OTUD7A: variants seen among roughly 807,000 people sequenced by gnomAD.
OTUD7A encodes OTU deubiquitinase 7A.
A neutral mutation model predicts 65.7 loss-of-function variants in OTUD7A; 12 were observed. The ratio of observed to expected loss-of-function variants is 0.18; its 90% CI spans 0.12 to 0.30. The LOEUF is 0.30. Among genes scored for constraint, OTUD7A ranks in the 10% least tolerant of loss-of-function variants. OTUD7A has a pLI of 1.00. For synonymous variants in OTUD7A, 641 were observed against 586.3 expected (o/e 1.09, Z -1.35); for missense variants, 1,148 against 1,304.8 (o/e 0.88, Z 1.85).
rs372402315 is a variant in OTUD7A, at chr15:31,566,910, C to T, written c.331+3108G>A. Reference sequence around the variant, plus strand: ...AAGCTGAGCAGATGCCGGCACCATGCTTCCTATAAAGCCTGCAGAACCATG... The same window carrying T: ...AAGCTGAGCAGATGCCGGCACCATGTTTCCTATAAAGCCTGCAGAACCATG... On this transcript the variant is annotated intron_variant, in intron 4 of 12. Transcript: ENST00000307050. Among the ~76,000 whole-genome samples the T allele has an allele frequency of 3.2e-4, 49 of 152,318 alleles. 1 individual carries two copies. Among genetic ancestry groups the T allele is most frequent in the African/African-American group, 1.1e-3 (46 of 41,564 alleles).
At chr15:31,855,983 G>C (rs766719902) in intron 1 of OTUD7A, among the ~76,000 whole-genome samples, 2 of 152,150 alleles carry the variant, frequency 1.3e-5, no homozygotes, top group Non-Finnish European at 2.9e-5. Context: ...ACATCAGTTG[G>C]CTCTGCTATA....
intron 3 of OTUD7A, among the ~76,000 whole-genome samples, chr15:31,631,439 A>G (rs1367549973): frequency 1.3e-5 from 2 of 152,120 alleles, no homozygotes; most frequent in African/African-American, 4.8e-5. Flanking sequence ...TGGCTTGTAG[A>G]GTTTCTGCCG....
chr15:31,532,933 C>CA (rs35993038), intron 5 of OTUD7A, among the ~76,000 whole-genome samples: 2,889 of 56,224 alleles, frequency 0.051, 82 homozygotes, highest in African/African-American at 0.065. Flanking sequence ...GACTCCGTAT[C>CA]AAAAAAAAAA....
chr15:31,746,440 G>A (rs1456557216), intron 1 of OTUD7A, among the ~76,000 whole-genome samples: 2 of 151,492 alleles, frequency 1.3e-5, no homozygotes, highest in African/African-American at 2.4e-5. Context: ...GGATATACTC[G>A]GCCATATGGG....
At chr15:31,674,966 A>C (rs1468778881) in intron 1 of OTUD7A, among the ~76,000 whole-genome samples, 3 of 152,174 alleles carry the variant, frequency 2.0e-5, no homozygotes, top group East Asian at 3.8e-4. Context: ...TGGACTTCTT[A>C]TTATACTTCT....
chr15:31,573,930 T>G (rs1171562396), intron 3 of OTUD7A, among the ~76,000 whole-genome samples: 1 of 151,960 alleles, frequency 6.6e-6, no homozygotes, highest in Non-Finnish European at 1.5e-5. Flanking sequence ...AAAACAAAAC[T>G]ACAGTTGACA....
intron 3 of OTUD7A, among the ~76,000 whole-genome samples, chr15:31,580,986 C>T (rs945490059): frequency 3.9e-5 from 6 of 152,084 alleles, no homozygotes; most frequent in East Asian, 3.8e-4. Flanking sequence ...TCCAAAGTCT[C>T]GAGGCAAGGC....
chr15:31,639,207 T>A (rs941772633), intron 3 of OTUD7A, among the ~76,000 whole-genome samples: 7 of 152,110 alleles, frequency 4.6e-5, no homozygotes, highest in Non-Finnish European at 5.9e-5. Context: ...CTGCATTCCA[T>A]CGCTATAGAT....
chr15:31,868,487 G>C (rs1472769814), intron 1 of OTUD7A, among the ~76,000 whole-genome samples: 13 of 152,312 alleles, frequency 8.5e-5, no homozygotes, highest in African/African-American at 2.6e-4. Flanking sequence ...AGGACATGTT[G>C]TAAAGAAGAA....
At chr15:31,755,491 G>A (rs1046892832) in intron 1 of OTUD7A, among the ~76,000 whole-genome samples, 1 of 152,128 alleles carries the variant, frequency 6.6e-6, no homozygotes, top group African/African-American at 2.4e-5. Context: ...GGAGGCCGAG[G>A]TGGGTGGATC....
At chr15:31,704,518 C>A (rs1378198799) in intron 1 of OTUD7A, among the ~76,000 whole-genome samples, 1 of 148,950 alleles carries the variant, frequency 6.7e-6, no homozygotes, top group South Asian at 2.2e-4. Flanking sequence ...ATTTTTGTTA[C>A]AGTCACTCAT....
At chr15:31,655,674 A>T (rs1891969560) in intron 2 of OTUD7A, among the ~76,000 whole-genome samples, 1 of 152,174 alleles carries the variant, frequency 6.6e-6, no homozygotes, top group Non-Finnish European at 1.5e-5. Context: ...TGTTGTTCAT[A>T]AGCCTCCCAA....
At chr15:31,689,291 T>C (rs1892910276) in intron 1 of OTUD7A, 1 of 150,514 alleles carries the variant, frequency 6.6e-6, no homozygotes, top group Non-Finnish European at 1.5e-5. Context: ...ACCAGCTCTA[T>C]TGTCAGAGGC....
At chr15:31,729,120 T>C (rs1893972700) in intron 1 of OTUD7A, among the ~76,000 whole-genome samples, 1 of 152,336 alleles carries the variant, frequency 6.6e-6, no homozygotes, top group South Asian at 2.1e-4. Flanking sequence ...TTACTATACC[T>C]AATTTATAAA....
chr15:31,811,792 G>A (rs576976090), intron 1 of OTUD7A, among the ~76,000 whole-genome samples: 6 of 152,292 alleles, frequency 3.9e-5, no homozygotes, highest in South Asian at 2.1e-4. Context: ...GCCCTGCTGC[G>A]GGCAGTCCGC....
At chr15:31,509,354 C>T (rs557140792) in intron 8 of OTUD7A, among the ~76,000 whole-genome samples, 1 of 152,168 alleles carries the variant, frequency 6.6e-6, no homozygotes, top group Admixed American at 6.5e-5. Flanking sequence ...TCTCAGCTCA[C>T]CGCAAATTCC....
At chr15:31,775,627 AC>A (rs1279976933) in intron 1 of OTUD7A, among the ~76,000 whole-genome samples, 1 of 152,208 alleles carries the variant, frequency 6.6e-6, no homozygotes, top group Non-Finnish European at 1.5e-5. Context: ...TTTTTAAGTA[AC>A]AAAACGTGAT....
chr15:31,819,951 C>T (rs927353883), intron 1 of OTUD7A, among the ~76,000 whole-genome samples: 1 of 152,120 alleles, frequency 6.6e-6, no homozygotes, highest in African/African-American at 2.4e-5. Flanking sequence ...CCCTCACCTC[C>T]ACACTGTGAA....
At chr15:31,524,141 T>TG (rs569959234) in intron 8 of OTUD7A, among the ~76,000 whole-genome samples, 5 of 121,342 alleles carry the variant, frequency 4.1e-5, no homozygotes, top group African/African-American at 2.0e-4. Flanking sequence ...GAGTTTTTTG[T>TG]TTTTTTTTTT....
Sources: allele counts gnomAD v4.1 joint callset (sites outside exome capture counted in the v4.1 genomes callset), GRCh38; gene constraint gnomAD v4.1.1; transcripts MANE v1.5; gene names NCBI Gene and HGNC (gene_info 2026-07-23, HGNC 2026-07-21).